The following REL variants were observed in gnomAD, a reference collection of about 807,000 sequenced individuals.
REL encodes the protein REL proto-oncogene, NF-kB subunit, also known as proto-oncogene c-Rel.
In REL, 15 loss-of-function variants were observed where a neutral mutation model predicts 45.9. The ratio of observed to expected loss-of-function variants is 0.33; its 90% CI spans 0.22 to 0.50. The LOEUF (loss-of-function observed/expected upper bound fraction) is 0.50. Among genes scored for constraint, REL ranks in the 20% least tolerant of loss-of-function variants. The pLI is 0.98. For synonymous variants in REL, 239 were observed against 242.1 expected, an observed-to-expected ratio of 0.99 and a Z score of 0.12; for missense variants, 601 against 715.2, an observed-to-expected ratio of 0.84 and a Z score of 1.82.
intron 7 of REL, among the ~76,000 whole-genome samples, chr2:60,919,297 T>C (rs1674066226): frequency 6.6e-6 from 1 of 152,100 alleles, no homozygotes; most frequent in Non-Finnish European, 1.5e-5. Context: ...TACAGTGGCA[T>C]GATCGTGGCT....
At chr2:60,891,546 T>C in intron 1 of REL, 137 bp from the exon 2 acceptor site, 1 of 734,484 alleles carries the variant, frequency 1.4e-6, no homozygotes, top group Non-Finnish European at 2.1e-6. Context: ...AAGATAACAT[T>C]TCGGTCTTGT....
rs541822450 is a variant in REL at position 60,920,446 on chromosome 2, C to T, written c.923-128C>T. ...GAACTCCTGACATCAGGTGATCCACCCACCTTGGCCTCCCAAAGTGCTGGG... is the reference window on the plus strand; with the variant it reads ...GAACTCCTGACATCAGGTGATCCACTCACCTTGGCCTCCCAAAGTGCTGGG... On this transcript the variant is annotated intron_variant, in intron 8 of 9. Coordinates refer to ENST00000394479, the MANE Select transcript of REL (RefSeq NM_001291746.2). 3.3e-5 allele frequency: 24 copies of T among 730,354 alleles called. No homozygotes were observed. In the East Asian group the frequency reaches 6.1e-4, roughly 18 times the overall value. The allele number at this position is 730,354 out of a possible 1,614,324, so 45.2% of individuals were successfully genotyped here. A position where few individuals can be genotyped will look rare whatever the true frequency, so the allele number is the denominator to read the frequency against.
At chr2:60,900,894 A>C in intron 3 of REL, 98 bp from the exon 4 acceptor site, 1 of 1,006,296 alleles carries the variant, frequency 9.9e-7, no homozygotes, top group Non-Finnish European at 1.5e-6. Flanking sequence ...GGTATGTACA[A>C]CTGACAGCAT....
At chr2:60,917,172 A>C (rs1189581285) in intron 5 of REL, among the ~76,000 whole-genome samples, 155 bp downstream of exon 5, 8 of 152,210 alleles carry the variant, frequency 5.3e-5, no homozygotes, top group Non-Finnish European at 1.5e-5. Flanking sequence ...AATCTTCTCT[A>C]ATCTCATCCT....
chr2:60,891,990 A>G (rs911117093), intron 2 of REL, among the ~76,000 whole-genome samples, 165 bp downstream of exon 2: 1 of 151,724 alleles, frequency 6.6e-6, no homozygotes, highest in African/African-American at 2.4e-5. Flanking sequence ...CATCTATTAG[A>G]TAGATGTCTA....
chr2:60,919,445 A>G (rs772069248), intron 7 of REL, among the ~76,000 whole-genome samples: 9 of 151,392 alleles, frequency 5.9e-5, no homozygotes, highest in Non-Finnish European at 8.8e-5. Flanking sequence ...TGTTTTTGAG[A>G]TGGAGTCTTG....
chr2:60,898,062 A>G (rs1206942964), intron 3 of REL, among the ~76,000 whole-genome samples: 1 of 152,104 alleles, frequency 6.6e-6, no homozygotes, highest in African/African-American at 2.4e-5. Context: ...TACCTTCTCA[A>G]CTGGTTTTGA....
At chr2:60,913,272 TA>T (rs992777891) in intron 4 of REL, among the ~76,000 whole-genome samples, 21 of 151,984 alleles carry the variant, frequency 1.4e-4, no homozygotes, top group African/African-American at 3.4e-4. Context: ...TGCTTTCTTT[TA>T]AAAAAAAATT....
chr2:60,904,662 GA>G (rs1673593530), intron 4 of REL, among the ~76,000 whole-genome samples: 2 of 151,922 alleles, frequency 1.3e-5, no homozygotes, highest in African/African-American at 2.4e-5. Context: ...CCAAGGTGGA[GA>G]GGATTGCTTG....
In REL at chr2:60,881,777, G is replaced by A. The variant is rs1285385893; in HGVS notation, c.-64G>A. 4.7e-6 allele frequency: 7 copies of A among 1,501,568 alleles called. No homozygotes were observed. Among genetic ancestry groups the A allele is most frequent in the Non-Finnish European group, 6.3e-6 (7 of 1,116,846 alleles). 93.0% of individuals were successfully genotyped at this position (1,501,568 alleles called of 1,614,324 possible). ...AGGTCCCTCGGCCTCCTGACTGACT[G>A]ACTGCGGCCGCCTCCGGCCAGGACG... On this transcript the variant is annotated 5_prime_UTR_variant, in exon 1 of 10. Coordinates refer to ENST00000394479, the MANE Select transcript of REL (RefSeq NM_001291746.2).
chr2:60,883,347 T>A (rs1266540812), intron 1 of REL, among the ~76,000 whole-genome samples: 1 of 152,202 alleles, frequency 6.6e-6, no homozygotes, highest in Non-Finnish European at 1.5e-5. Context: ...TCACATGACA[T>A]TTGATTTCAG....
chr2:60,883,844 CT>C lies in REL; in HGVS notation c.10+2012del, dbSNP rs71402307. Among the ~76,000 whole-genome samples, 900 of 126,566 alleles carry C rather than the reference CT, an allele frequency of 7.1e-3. 4 individuals are homozygous for C. The highest frequency in any genetic ancestry group is 0.014 in the South Asian group (55 of 3,866). The allele number at this position is 126,566 out of a possible 152,430, so 83.0% of individuals were successfully genotyped here. On this transcript the variant is annotated intron_variant, in intron 1 of 9. Transcript: ENST00000394479. ...GGTTTAGAAGTTGAAGGGTGATTAA[CT>C]TTTTTTTTTTTTTTTTTGGTCTTTT...
intron 1 of REL, among the ~76,000 whole-genome samples, chr2:60,889,617 C>T (rs1021730843): frequency 2.6e-5 from 4 of 151,482 alleles, no homozygotes; most frequent in South Asian, 4.2e-4. Flanking sequence ...CTCCCCCCTT[C>T]CCCCACCCCA....
At chr2:60,906,913 A>ATTTTTTTT (rs1162627805) in intron 4 of REL, among the ~76,000 whole-genome samples, 3 of 104,304 alleles carry the variant, frequency 2.9e-5, no homozygotes, top group African/African-American at 4.0e-5. Flanking sequence ...ATATATATAT[A>ATTTTTTTT]TTTTTTTTTT....
At chr2:60,903,141 T>G (rs550233538) in intron 4 of REL, among the ~76,000 whole-genome samples, 1 of 152,356 alleles carries the variant, frequency 6.6e-6, no homozygotes, top group South Asian at 2.1e-4. Context: ...CTATCATTTA[T>G]TAAGCACTTC....
rs965339582 is a variant in REL, at chr2:60,923,242, A to G, written c.*707A>G. On this transcript the variant is annotated 3_prime_UTR_variant, in exon 10 of 10. Coordinates refer to ENST00000394479, the MANE Select transcript of REL (RefSeq NM_001291746.2). ...TAGGCTTCTTGGAGCTTAGATTTGT[A>G]TGTATATCAAAATGTCTTTAAAATG... 1 of 211,790 alleles carries G rather than the reference A, an allele frequency of 4.7e-6. No individual in the cohort carries two copies. The highest frequency in any genetic ancestry group is 5.9e-5 in the Admixed American group (1 of 16,998). The allele number at this position is 211,790 out of a possible 1,614,324, so 13.1% of individuals were successfully genotyped here. A position where few individuals can be genotyped will look rare whatever the true frequency, so the allele number is the denominator to read the frequency against.
rs950447279 is a variant in REL at position 60,882,060 on chromosome 2, G to A, written c.10+210G>A. On this transcript the variant is annotated intron_variant, in intron 1 of 9. Coordinates refer to ENST00000394479, the MANE Select transcript of REL (RefSeq NM_001291746.2). ...CCACGCTCTGTAATTCGATCCTGTT[G>A]TCATAGCAGGAACCTTAGAAATTCC... Among the ~76,000 whole-genome samples the A allele has an allele frequency of 4.6e-5, 7 of 152,198 alleles. No homozygotes were observed. The East Asian group carries it at 1.2e-3, about 25-fold the overall frequency.
intron 4 of REL, among the ~76,000 whole-genome samples, 187 bp from the exon 5 acceptor site, chr2:60,916,688 ACT>A (rs1673970125): frequency 6.6e-6 from 1 of 152,186 alleles, no homozygotes; most frequent in Admixed American, 6.5e-5. Flanking sequence ...TTTATCAAAT[ACT>A]GTTAGATAGT....
rs367805383 is a variant in REL, at chr2:60,918,520, C to A, written c.767C>A (p.Pro256His). 29 of 1,613,928 alleles carry A rather than the reference C, an allele frequency of 1.8e-5. No individual in the cohort carries two copies. Among genetic ancestry groups the A allele is most frequent in the Admixed American group, 1.5e-4 (9 of 59,978 alleles). The change falls in exon 7 of 10, where the codon CCC (proline) becomes CAC (histidine). Residue 256 changes from proline to histidine, a missense_variant. Transcript: ENST00000394479. The stretch of plus-strand genomic sequence containing the variant: ...CCATATTGCAAAGCTATCACAGAAC[C>A]CGTAACAGTAAAAATGCAGTTGCGG... ...TPPYCKAITE[P>H]VTVKMQLRRP... is the part of the protein sequence containing the mutation.
Sources: gnomAD v4.1 joint callset for allele counts (sites outside exome capture counted in the v4.1 genomes callset) on GRCh38, gnomAD v4.1.1 for gene constraint, MANE v1.5 for transcripts, NCBI Gene and HGNC (gene_info 2026-07-23, HGNC 2026-07-21) for gene names.